The following ANKRD17 variants were observed in gnomAD, a reference collection of about 807,000 sequenced individuals.
ANKRD17 encodes the protein ankyrin repeat domain 17.
Under a neutral mutation model 229.7 loss-of-function variants are expected in ANKRD17, and 19 were observed. That is an observed-to-expected ratio of 0.08 (90% confidence interval 0.06 to 0.12). The LOEUF (loss-of-function observed/expected upper bound fraction) is 0.12, where lower values mean the gene tolerates loss of function less well. Ranked by LOEUF, ANKRD17 falls within the 10% of genes least tolerant of loss-of-function variation. The pLI, the probability that ANKRD17 is intolerant of heterozygous loss-of-function variation, is 1.00. For synonymous variants in ANKRD17, 1,112 were observed against 1,146.1 expected (o/e 0.97, Z 0.60); for missense variants, 2,176 against 3,176.8 (o/e 0.68, Z 7.57).
Position 73,229,278 on chromosome 4 carries a change from A to G in ANKRD17, c.393+28998T>C, listed in dbSNP as rs546914200. Among the ~76,000 whole-genome samples the G allele has an allele frequency of 1.2e-3, 178 of 152,346 alleles. 1 individual carries two copies. The highest frequency in any genetic ancestry group is 3.9e-3 in the African/African-American group (164 of 41,586). Reference sequence around the variant, plus strand: ...GCACATGTACCCTAGAACTTAAAGTATAATAAAATAAAATAAAAGTTTAGA... The same window carrying G: ...GCACATGTACCCTAGAACTTAAAGTGTAATAAAATAAAATAAAAGTTTAGA... On this transcript the variant is annotated intron_variant, in intron 1 of 33. Transcript: ENST00000358602.
chr4:73,181,226 C>T (rs1735501997), intron 1 of ANKRD17, among the ~76,000 whole-genome samples: 2 of 152,128 alleles, frequency 1.3e-5, no homozygotes, highest in Admixed American at 6.6e-5. Flanking sequence ...ATTTATTACA[C>T]ACACATTTAT....
At chr4:73,077,566 G>T in intron 31 of ANKRD17, 33 bp from the exon 32 acceptor site, 2 of 1,504,184 alleles carry the variant, frequency 1.3e-6, no homozygotes, top group Non-Finnish European at 1.8e-6. Flanking sequence ...AACAAAAATA[G>T]ATAATATTTA....
In ANKRD17 at chr4:73,073,616, C is replaced by T. The variant is rs756274841; in HGVS notation, c.*2615G>A. 2 of 151,838 alleles carry T rather than the reference C, an allele frequency of 1.3e-5. No individual in the cohort carries two copies. The highest frequency in any genetic ancestry group is 4.8e-5 in the African/African-American group (2 of 41,354). The allele number at this position is 151,838 out of a possible 1,614,324, so 9.4% of individuals were successfully genotyped here. A position where few individuals can be genotyped will look rare whatever the true frequency, so the allele number is the denominator to read the frequency against. ...TTTCCAAAGGAGAAAAATGACTATA[C>T]GTAGTCATTTACAAAAAAATTAATT... On this transcript the variant is annotated 3_prime_UTR_variant, in exon 34 of 34. Coordinates refer to ENST00000358602, the MANE Select transcript of ANKRD17 (RefSeq NM_032217.5).
At chr4:73,165,022 CAG>C (rs1195517015) in intron 2 of ANKRD17, among the ~76,000 whole-genome samples, 2 of 151,896 alleles carry the variant, frequency 1.3e-5, no homozygotes, top group Non-Finnish European at 2.9e-5. Flanking sequence ...AGAACTTACT[CAG>C]AGGGCTAAAA....
intron 1 of ANKRD17, among the ~76,000 whole-genome samples, chr4:73,200,991 G>C (rs966115382): frequency 1.3e-4 from 15 of 114,780 alleles, no homozygotes; most frequent in Admixed American, 2.0e-4. Context: ...TATGGGCGGG[G>C]GGGGGGGGAG....
intron 1 of ANKRD17, among the ~76,000 whole-genome samples, chr4:73,223,918 T>G (rs1381112631): frequency 2.0e-5 from 3 of 152,162 alleles, no homozygotes; most frequent in African/African-American, 7.2e-5. Context: ...TTGTCAAATT[T>G]CTTCCTTATA....
At chr4:73,219,653 T>C (rs1403830365) in intron 1 of ANKRD17, among the ~76,000 whole-genome samples, 1 of 152,208 alleles carries the variant, frequency 6.6e-6, no homozygotes, top group Non-Finnish European at 1.5e-5. Flanking sequence ...CTCAACCCAC[T>C]GTCCATAGAC....
intron 5 of ANKRD17, among the ~76,000 whole-genome samples, chr4:73,155,040 CAAAAA>C (rs528971172): frequency 6.7e-5 from 4 of 59,584 alleles, no homozygotes; most frequent in Non-Finnish European, 1.4e-4. Context: ...GACTCCGTCT[CAAAAA>C]AAAAAAAAAA....
chr4:73,074,862 G>A lies in ANKRD17; in HGVS notation c.*1369C>T, dbSNP rs1475489429. 1 of 152,358 alleles carries A rather than the reference G, an allele frequency of 6.6e-6. No individual in the cohort carries two copies. Among genetic ancestry groups the A allele is most frequent in the Non-Finnish European group, 1.5e-5 (1 of 67,876 alleles). The allele number at this position is 152,358 out of a possible 1,614,324, so 9.4% of individuals were successfully genotyped here. On this transcript the variant is annotated 3_prime_UTR_variant, in exon 34 of 34. Coordinates refer to ENST00000358602, the MANE Select transcript of ANKRD17 (RefSeq NM_032217.5). ...TTAATTTTTCCATGAGACAGGGTAG[G>A]ACACATAATCTTCTTGGATACATTA... is the stretch of plus-strand genomic sequence containing the variant.
chr4:73,112,960 G>T (rs906781068), intron 24 of ANKRD17: 1 of 490,574 alleles, frequency 2.0e-6, no homozygotes, highest in Non-Finnish European at 2.8e-6. Context: ...GCTAATTTTC[G>T]TATTTTTGGT....
At chr4:73,108,276 T>C (rs1366422600) in intron 24 of ANKRD17, among the ~76,000 whole-genome samples, 1 of 152,152 alleles carries the variant, frequency 6.6e-6, no homozygotes, top group Non-Finnish European at 1.5e-5. Flanking sequence ...ACACATCAAG[T>C]GTGAGATGCC....
At chr4:73,164,059 T>C (rs1732900082) in intron 2 of ANKRD17, among the ~76,000 whole-genome samples, 1 of 152,200 alleles carries the variant, frequency 6.6e-6, no homozygotes, top group Non-Finnish European at 1.5e-5. Context: ...TCACTAATAT[T>C]AAAAGTCATA....
intron 1 of ANKRD17, among the ~76,000 whole-genome samples, chr4:73,227,505 T>C (rs1742630079): frequency 6.6e-6 from 1 of 152,166 alleles, no homozygotes; most frequent in African/African-American, 2.4e-5. Flanking sequence ...CTAAAATGGA[T>C]TTCAATGGCA....
Position 73,135,123 on chromosome 4 carries a change from A to C in ANKRD17, c.3228T>G (p.Asp1076Glu), listed in dbSNP as rs760006125. 1.9e-6 allele frequency: 3 copies of C among 1,613,280 alleles called. No individual in the cohort carries two copies. Among genetic ancestry groups the C allele is most frequent in the Non-Finnish European group, 2.5e-6 (3 of 1,179,460 alleles). ...TCTTAAGTTTGGGACTTACCTGTGCATCAATATCAATGGCAGGGTAGATAG... is the reference window on the plus strand; with the variant it reads ...TCTTAAGTTTGGGACTTACCTGTGCCTCAATATCAATGGCAGGGTAGATAG... ...MLPIYPAIDI[D>E]AQTESNHDTA... Residue 1076 changes from aspartate to glutamate, a missense_variant, in exon 16 of 34, where the codon GAT (aspartate) becomes GAG (glutamate). Asp to Glu is a conservative substitution (Grantham distance 45, BLOSUM62 2). This residue lies in a region of ANKRD17 where 230 missense variants were observed against 252.3 expected (regional missense o/e 0.91). Transcript: ENST00000358602.
chr4:73,226,774 C>T (rs1742557194), intron 1 of ANKRD17, among the ~76,000 whole-genome samples: 2 of 152,112 alleles, frequency 1.3e-5, no homozygotes, highest in South Asian at 2.1e-4. Context: ...AATGCAGTGG[C>T]GCAATCTCGG....
At position 73,076,225 on chromosome 4, in the gene ANKRD17, T is replaced by A; in HGVS notation, c.*6A>T. Reference sequence around the variant, plus strand: ...AGGAATCTGCAGGCTAACAAGCTGATCCTCATCAGCCAAGCTGGTTCATAT... The same window carrying A: ...AGGAATCTGCAGGCTAACAAGCTGAACCTCATCAGCCAAGCTGGTTCATAT... On this transcript the variant is annotated 3_prime_UTR_variant, in exon 34 of 34. Coordinates refer to ENST00000358602, the MANE Select transcript of ANKRD17 (RefSeq NM_032217.5). 6.2e-7 allele frequency: 1 copy of A among 1,607,206 alleles called. No homozygotes were observed. The highest frequency in any genetic ancestry group is 1.1e-5 in the South Asian group (1 of 89,810).
At chr4:73,112,424 G>A (rs777805280) in intron 24 of ANKRD17, among the ~76,000 whole-genome samples, 16 of 152,134 alleles carry the variant, frequency 1.1e-4, no homozygotes, top group Non-Finnish European at 1.2e-4. Flanking sequence ...AACAGGTCAA[G>A]TAATAGTTAT....
At chr4:73,105,438 A>G (rs754260191) in intron 24 of ANKRD17, among the ~76,000 whole-genome samples, 1 of 151,902 alleles carries the variant, frequency 6.6e-6, no homozygotes, top group Non-Finnish European at 1.5e-5. Flanking sequence ...GGGTAAAGGA[A>G]GAACAAATGA....
intron 1 of ANKRD17, among the ~76,000 whole-genome samples, chr4:73,206,470 G>C (rs974652935): frequency 1.3e-5 from 2 of 151,986 alleles, no homozygotes; most frequent in Non-Finnish European, 2.9e-5. Context: ...GAGAAAGGGA[G>C]GCAGGCAGGG....
Sources: allele counts gnomAD v4.1 joint callset (sites outside exome capture counted in the v4.1 genomes callset), GRCh38; gene constraint gnomAD v4.1.1; regional missense constraint gnomAD v4.1.1; transcripts MANE v1.5; gene names NCBI Gene and HGNC (gene_info 2026-07-23, HGNC 2026-07-21).